The following SHC2 variants were observed in gnomAD, a reference collection of about 807,000 sequenced individuals.
SHC2 encodes the protein SHC adaptor protein 2, also known as SHC-transforming protein 2.
Under a neutral mutation model 60.6 loss-of-function variants are expected in SHC2, and 62 were observed. That is an observed-to-expected ratio of 1.02 (90% CI 0.83 to 1.26). SHC2 has a LOEUF of 1.26. SHC2 is among the 50% of genes most tolerant of loss of function. The pLI is 0.00. For missense variants in SHC2, 873 were observed against 822.2 expected (o/e 1.06, Z -0.76); for synonymous variants, 375 against 372.4 (o/e 1.01, Z -0.08).
chr19:425,492 G>A lies in SHC2; in HGVS notation c.1175-261C>T, dbSNP rs536850314. Among the ~76,000 whole-genome samples, 82 of 152,162 alleles carry A rather than the reference G, an allele frequency of 5.4e-4. No homozygotes were observed. The highest frequency in any genetic ancestry group is 8.2e-4 in the Non-Finnish European group (56 of 68,020). The stretch of plus-strand genomic sequence containing the variant: ...GCGGCTGGGGCTGTGGGCACCAGAC[G>A]TCCACGCCCAGGGAGAAGGCAGCCG... On this transcript the variant is annotated intron_variant, in intron 9 of 12. Transcript: ENST00000264554. The surrounding 1 kb of genome is among the most constrained non-coding windows in gnomAD (Gnocchi z 4.1).
At chr19:456,609 C>T (rs562263113) in intron 1 of SHC2, among the ~76,000 whole-genome samples, 9 of 152,278 alleles carry the variant, frequency 5.9e-5, no homozygotes, top group African/African-American at 1.2e-4. Flanking sequence ...GAGAGAGTCC[C>T]GCTCCCTCTC....
chr19:418,161 T>G (rs1974195378), intron 12 of SHC2, among the ~76,000 whole-genome samples: 1 of 152,104 alleles, frequency 6.6e-6, no homozygotes, highest in African/African-American at 2.4e-5. Flanking sequence ...CTGGGGCTCC[T>G]TGGCCCGGCC....
rs556740932 is a variant in SHC2 at position 441,994 on chromosome 19, C to A, written c.469-1062G>T. Among the ~76,000 whole-genome samples, 12 of 152,320 alleles carry A rather than the reference C, an allele frequency of 7.9e-5. No homozygotes were observed. The highest frequency in any genetic ancestry group is 2.9e-4 in the African/African-American group (12 of 41,570). ...TCTCCACGGCTCCATGTACCTGGAG[C>A]AGGGAGAGCAAGGAGCAGAGACAGA... On this transcript the variant is annotated intron_variant, in intron 1 of 12. Transcript: ENST00000264554. This position sits in a 1 kb window ranked among gnomAD's most constrained non-coding sequence, Gnocchi z 4.9.
chr19:423,142 CACTCCCT>C (rs1974325913), intron 10 of SHC2, among the ~76,000 whole-genome samples: 1 of 145,286 alleles, frequency 6.9e-6, no homozygotes, highest in Non-Finnish European at 1.5e-5. Flanking sequence ...CCCTGACCCT[CACTCCCT>C]GGTCTCCCGC....
At chr19:444,347 G>A (rs993077042) in intron 1 of SHC2, among the ~76,000 whole-genome samples, 2 of 152,120 alleles carry the variant, frequency 1.3e-5, no homozygotes, top group African/African-American at 4.8e-5. Flanking sequence ...CTCAGGCAGA[G>A]CATGTGCCTC....
intron 1 of SHC2, among the ~76,000 whole-genome samples, chr19:450,164 C>T (rs981800490): frequency 2.0e-5 from 3 of 152,064 alleles, no homozygotes; most frequent in African/African-American, 7.2e-5. Flanking sequence ...GCTGGGCAGC[C>T]GGCGCTACAG....
Position 425,175 on chromosome 19 carries a change from C to A in SHC2, c.1231G>T (p.Glu411Ter). 7.4e-7 allele frequency: 1 copy of A among 1,355,560 alleles called. No individual in the cohort carries two copies. The highest frequency in any genetic ancestry group is 9.6e-7 in the Non-Finnish European group (1 of 1,044,932). The allele number at this position is 1,355,560 out of a possible 1,614,324, so 84.0% of individuals were successfully genotyped here. Residue 411 changes from glutamate to a stop codon, truncating the protein, a stop_gained, in exon 10 of 13, where the codon GAG (glutamate) becomes TAG (stop). Transcript: ENST00000264554. LOFTEE classifies it high-confidence loss of function. This position sits in a 1 kb window ranked among gnomAD's most constrained non-coding sequence, Gnocchi z 4.1. Reference sequence around the variant, plus strand: ...CCCTGGGTGTTGACATACAGGTGCTCCTCGTGGTCCGGGGGGCCCCGGGCG... The same window carrying A: ...CCCTGGGTGTTGACATACAGGTGCTACTCGTGGTCCGGGGGGCCCCGGGCG... ...ADARGPPDHE[E>*]HLYVNTQGLD...
At chr19:457,291 T>G (rs1052152920) in intron 1 of SHC2, among the ~76,000 whole-genome samples, 1 of 146,962 alleles carries the variant, frequency 6.8e-6, no homozygotes, top group Non-Finnish European at 1.5e-5. Context: ...CATCAGGCCT[T>G]TGCACCTGCA....
intron 11 of SHC2, among the ~76,000 whole-genome samples, chr19:420,554 G>T (rs910830674): frequency 6.6e-6 from 1 of 152,200 alleles, no homozygotes; most frequent in Non-Finnish European, 1.5e-5. Context: ...ACCTTTAAAT[G>T]CTTTAGAAGC....
At chr19:460,260 TG>T (rs144043667) in intron 1 of SHC2, among the ~76,000 whole-genome samples, 2,583 of 151,784 alleles carry the variant, frequency 0.017, 51 homozygotes, top group Admixed American at 0.051. Flanking sequence ...CCAGTCCGAG[TG>T]GGGGGCGGTG....
rs569401861 is a variant in SHC2 at position 425,285 on chromosome 19, G to A, written c.1175-54C>T. The stretch of plus-strand genomic sequence containing the variant: ...CAGCTGGGAGCCAGGCGAGGGGCTC[G>A]CAGGGAGCAAGGCGGGGTCCCACGA... On this transcript the variant is annotated intron_variant, in intron 9 of 12. Transcript: ENST00000264554. This position sits in a 1 kb window ranked among gnomAD's most constrained non-coding sequence, Gnocchi z 4.1. 1.8e-5 allele frequency: 23 copies of A among 1,290,930 alleles called. No individual in the cohort carries two copies. The highest frequency in any genetic ancestry group is 3.0e-4 in the Middle Eastern group (1 of 3,314). 80.0% of individuals were successfully genotyped at this position (1,290,930 alleles called of 1,614,324 possible).
In SHC2 at chr19:460,562, C is replaced by T. The variant is rs1051069704; in HGVS notation, c.435G>A (p.Arg145=). The T allele has an allele frequency of 4.9e-6, 7 of 1,417,134 alleles. No individual in the cohort carries two copies. Among genetic ancestry groups the T allele is most frequent in the African/African-American group, 3.0e-5 (2 of 67,134 alleles). 87.8% of individuals were successfully genotyped at this position (1,417,134 alleles called of 1,614,324 possible). A position where few individuals can be genotyped will look rare whatever the true frequency, so the allele number is the denominator to read the frequency against. The change falls in exon 1 of 13, where the codon AGG becomes AGA. Residue 145 remains arginine, a synonymous_variant. Transcript: ENST00000264554. ...PAHGWLHPDA[R]VLGPGVSYVV... The stretch of plus-strand genomic sequence containing the variant: ...CGTAGGAGACCCCGGGCCCCAGGAC[C>T]CTGGCGTCGGGGTGTAGCCAGCCGT...
At chr19:428,130 A>G (rs990731043) in intron 9 of SHC2, among the ~76,000 whole-genome samples, 7 of 152,116 alleles carry the variant, frequency 4.6e-5, no homozygotes, top group African/African-American at 1.4e-4. Flanking sequence ...GAGTGTTAGG[A>G]GTGAGGACTG....
intron 1 of SHC2, among the ~76,000 whole-genome samples, chr19:459,243 G>A (rs1417614533): frequency 3.4e-5 from 5 of 146,002 alleles, no homozygotes; most frequent in Non-Finnish European, 7.6e-5. Flanking sequence ...TGAACCCAGC[G>A]TAGGGGGAAG....
At position 425,141 on chromosome 19, in the gene SHC2, G is replaced by A; in HGVS notation, c.1265C>T (p.Ala422Val). The change falls in exon 10 of 13, where the codon GCC becomes GTC. Residue 422 changes from alanine to valine, a missense_variant. Transcript: ENST00000264554. The surrounding 1 kb of genome is among the most constrained non-coding windows in gnomAD (Gnocchi z 4.1). Reference protein sequence around the residue: ...HLYVNTQGLDAPEPEDSPKKD... With the variant: ...HLYVNTQGLDVPEPEDSPKKD... ...TTTGGGGCTGTCCTCCGGCTCGGGGGCGTCCAGACCCTGGGTGTTGACATA... is the reference window on the plus strand; with the variant it reads ...TTTGGGGCTGTCCTCCGGCTCGGGGACGTCCAGACCCTGGGTGTTGACATA... 1 of 1,398,788 alleles carries A rather than the reference G, an allele frequency of 7.1e-7. No individual in the cohort carries two copies. Among genetic ancestry groups the A allele is most frequent in the Non-Finnish European group, 9.4e-7 (1 of 1,068,578 alleles). The allele number at this position is 1,398,788 out of a possible 1,614,324, so 86.6% of individuals were successfully genotyped here.
At chr19:436,763 G>C in intron 4 of SHC2, 80 bp from the exon 5 acceptor site, 1 of 1,332,846 alleles carries the variant, frequency 7.5e-7, no homozygotes, top group African/African-American at 1.4e-5. Context: ...CAGGACCACA[G>C]CGAAGAGTGG....
chr19:445,837 T>G lies in SHC2; in HGVS notation c.469-4905A>C, dbSNP rs1416418914. Among the ~76,000 whole-genome samples, 5 of 151,954 alleles carry G rather than the reference T, an allele frequency of 3.3e-5. No homozygotes were observed. The highest frequency in any genetic ancestry group is 1.2e-4 in the African/African-American group (5 of 41,336). ...TCACTTGAGGTCAGGAGTTTGAGAC[T>G]AGCCTGGCCAACATGGAGAAACCCC... On this transcript the variant is annotated intron_variant, in intron 1 of 12. Transcript: ENST00000264554. The surrounding 1 kb of genome is among the most constrained non-coding windows in gnomAD (Gnocchi z 4.4).
chr19:435,982 C>G (rs773238957), intron 7 of SHC2, 183 bp downstream of exon 7: 11 of 623,366 alleles, frequency 1.8e-5, no homozygotes, highest in Admixed American at 1.2e-4. Flanking sequence ...GGCGGGGATG[C>G]GTTTACTCGG....
In SHC2 at chr19:442,975, GTGGA is replaced by G. The variant is rs1974940320; in HGVS notation, c.469-2047_469-2044del. On this transcript the variant is annotated intron_variant, in intron 1 of 12. Transcript: ENST00000264554. ...GATGGATGGACGGGTGGGTGGATGG[GTGGA>G]TGGATGGATGCATGGGTGGGTGGAT... 2.2e-5 allele frequency among the ~76,000 whole-genome samples: 3 copies of G among 133,336 alleles called. No homozygotes were observed. The South Asian group carries it at 8.2e-4, about 36-fold the overall frequency. 87.5% of individuals were successfully genotyped at this position (133,336 alleles called of 152,430 possible).
Sources: gnomAD v4.1 joint callset for allele counts (sites outside exome capture counted in the v4.1 genomes callset) on GRCh38, gnomAD v4.1.1 for gene constraint, Gnocchi (gnomAD v3.1) non-coding constraint, MANE v1.5 for transcripts, NCBI Gene and HGNC (gene_info 2026-07-23, HGNC 2026-07-21) for gene names.